Variants in LMO1 observed in about 807,000 individuals in gnomAD.
LMO1 encodes the protein rhombotin-1.
A neutral mutation model predicts 18.0 loss-of-function variants in LMO1; 10 were observed. That is an observed-to-expected ratio of 0.55 (90% CI 0.34 to 0.94). The LOEUF (loss-of-function observed/expected upper bound fraction) is 0.94, where lower values mean the gene tolerates loss of function less well. Ranked by LOEUF, LMO1 falls within the 40% of genes least tolerant of loss-of-function variation. The pLI, the probability that LMO1 is intolerant of heterozygous loss-of-function variation, is 0.02. For synonymous variants in LMO1, 77 were observed against 77.9 expected (o/e 0.99, Z 0.06); for missense variants, 183 against 205.7 (o/e 0.89, Z 0.68).
chr11:8,241,758 T>G (rs1165256340), intron 1 of LMO1, among the ~76,000 whole-genome samples: 2 of 151,430 alleles, frequency 1.3e-5, no homozygotes, highest in African/African-American at 2.4e-5. Flanking sequence ...CATCACAATT[T>G]GTAATTGTTT....
chr11:8,264,266 G>C (rs1847237677), upstream of LMO1, among the ~76,000 whole-genome samples: 1 of 151,968 alleles, frequency 6.6e-6, no homozygotes, highest in Non-Finnish European at 1.5e-5. Context: ...CCTGACCCCA[G>C]CAGCACCCCC....
At chr11:8,260,352 T>C (rs1466606870) in intron 1 of LMO1, among the ~76,000 whole-genome samples, 2 of 152,170 alleles carry the variant, frequency 1.3e-5, no homozygotes, top group Non-Finnish European at 2.9e-5. Flanking sequence ...TGGAGCTCAG[T>C]TCCATTTCGC....
At chr11:8,228,328 G>A (rs769070564) in intron 2 of LMO1, among the ~76,000 whole-genome samples, 1 of 152,250 alleles carries the variant, frequency 6.6e-6, no homozygotes, top group African/African-American at 2.4e-5. Flanking sequence ...AGCCCCAAGT[G>A]AGGCAAGGAG....
intron 1 of LMO1, among the ~76,000 whole-genome samples, chr11:8,257,821 G>A (rs1221780039): frequency 1.3e-5 from 2 of 152,244 alleles, no homozygotes; most frequent in African/African-American, 2.4e-5. Flanking sequence ...CTGGCAGAGT[G>A]AGGGTGCAGG....
At chr11:8,263,315 CGA>C (rs1403257782) in intron 1 of LMO1, 21 bp downstream of exon 1, 11 of 1,595,746 alleles carry the variant, frequency 6.9e-6, no homozygotes, top group Non-Finnish European at 9.3e-6. Flanking sequence ...TGAGGGGCGT[CGA>C]GACCCCGGCC....
At chr11:8,252,023 T>C (rs999847744) in intron 1 of LMO1, among the ~76,000 whole-genome samples, 13 of 152,016 alleles carry the variant, frequency 8.6e-5, no homozygotes, top group South Asian at 2.1e-4. Context: ...TGTGAGTGTG[T>C]GTGTGAGCAT....
intron 1 of LMO1, among the ~76,000 whole-genome samples, chr11:8,239,808 G>C (rs1481908956): frequency 3.3e-5 from 5 of 152,210 alleles, no homozygotes. Flanking sequence ...CACCACAGGA[G>C]GGAAGGCCTA....
At chr11:8,229,874 A>G (rs146952532) in intron 2 of LMO1, among the ~76,000 whole-genome samples, 1 of 152,320 alleles carries the variant, frequency 6.6e-6, no homozygotes, top group East Asian at 1.9e-4. Context: ...GGAGATGGAA[A>G]GAGACTGCAT....
At chr11:8,245,040 C>A (rs1846871777) in intron 1 of LMO1, among the ~76,000 whole-genome samples, 1 of 152,224 alleles carries the variant, frequency 6.6e-6, no homozygotes, top group Non-Finnish European at 1.5e-5. Context: ...TCATGCCCGG[C>A]ACTTCATGTA....
At chr11:8,254,098 A>C (rs555616475) in intron 1 of LMO1, among the ~76,000 whole-genome samples, 14 of 152,300 alleles carry the variant, frequency 9.2e-5, no homozygotes, top group Non-Finnish European at 1.8e-4. Context: ...GGAAAATTAT[A>C]CTGTGAGAGG....
intron 1 of LMO1, among the ~76,000 whole-genome samples, chr11:8,254,627 AGGCTGGC>A (rs373931277): frequency 0.37 from 56,575 of 151,966 alleles, 12,431 homozygotes; most frequent in Middle Eastern, 0.55. Flanking sequence ...CTCCCCACCG[AGGCTGGC>A]CCTGGGAGGA....
chr11:8,252,166 T>G (rs537734136), intron 1 of LMO1, among the ~76,000 whole-genome samples: 1 of 152,302 alleles, frequency 6.6e-6, no homozygotes, highest in East Asian at 1.9e-4. Context: ...CTCTTCAACA[T>G]GCCAACTTGC....
chr11:8,251,983 TGG>T (rs1250862917), intron 1 of LMO1, among the ~76,000 whole-genome samples: 3 of 118,008 alleles, frequency 2.5e-5, no homozygotes, highest in East Asian at 9.4e-4. Flanking sequence ...TGTGCGTGTG[TGG>T]GGGTGTGCGT....
chr11:8,236,874 T>C (rs544911880), intron 1 of LMO1, among the ~76,000 whole-genome samples: 35 of 152,290 alleles, frequency 2.3e-4, no homozygotes, highest in African/African-American at 8.4e-4. Context: ...TGAGCATGCG[T>C]TTTGGTGTGC....
chr11:8,253,137 G>A (rs370810888), intron 1 of LMO1, among the ~76,000 whole-genome samples: 37 of 152,160 alleles, frequency 2.4e-4, no homozygotes, highest in African/African-American at 8.7e-4. Flanking sequence ...CCCTACCCAG[G>A]CCCCCTGCCC....
chr11:8,251,399 T>A (rs1846989644), intron 1 of LMO1, among the ~76,000 whole-genome samples: 1 of 152,150 alleles, frequency 6.6e-6, no homozygotes, highest in East Asian at 1.9e-4. Context: ...ACACTACCTT[T>A]ACCCAGCCTG....
intron 1 of LMO1, among the ~76,000 whole-genome samples, chr11:8,259,205 C>G (rs1056191235): frequency 6.6e-6 from 1 of 152,144 alleles, no homozygotes; most frequent in African/African-American, 2.4e-5. Flanking sequence ...GGACGACAGA[C>G]CAATTTATGT....
chr11:8,224,355 A>G lies in LMO1; in HGVS notation c.*261T>C. ...TAATCCACGCCAGTAATAAAATCGC[A>G]TTACATTTCTCATAAAATAAATGTT... is the stretch of plus-strand genomic sequence containing the variant. On this transcript the variant is annotated 3_prime_UTR_variant, in exon 4 of 4. Transcript: ENST00000335790. 2 of 488,282 alleles carry G rather than the reference A, an allele frequency of 4.1e-6. No homozygotes were observed. Among genetic ancestry groups the G allele is most frequent in the Non-Finnish European group, 7.4e-6 (2 of 271,644 alleles). The allele number at this position is 488,282 out of a possible 1,614,324, so 30.2% of individuals were successfully genotyped here. A position where few individuals can be genotyped will look rare whatever the true frequency, so the allele number is the denominator to read the frequency against.
At chr11:8,234,999 A>T (rs1392493908) in intron 1 of LMO1, among the ~76,000 whole-genome samples, 2 of 152,104 alleles carry the variant, frequency 1.3e-5, no homozygotes, top group Non-Finnish European at 2.9e-5. Flanking sequence ...CACCTTTCTG[A>T]CTGGCATGTG....
Sources: gnomAD v4.1 joint callset for allele counts (sites outside exome capture counted in the v4.1 genomes callset) on GRCh38, gnomAD v4.1.1 for gene constraint, MANE v1.5 for transcripts, NCBI Gene and HGNC (gene_info 2026-07-23, HGNC 2026-07-21) for gene names.